Variants in KCNMA1 observed in about 807,000 individuals in gnomAD.
KCNMA1 encodes the protein potassium calcium-activated channel subfamily M alpha 1, also known as Calcium-activated potassium channel subunit alpha-1.
Under a neutral mutation model 140.0 loss-of-function variants are expected in KCNMA1, and 29 were observed. The observed-to-expected ratio is 0.21, with a 90% CI of 0.15 to 0.28. The LOEUF is 0.28. Ranked by LOEUF, KCNMA1 falls within the 10% of genes least tolerant of loss-of-function variation. The pLI is 1.00. For synonymous variants in KCNMA1, 612 were observed against 611.9 expected, an observed-to-expected ratio of 1.00 and a Z score of 0.00; for missense variants, 880 against 1,602.2, an observed-to-expected ratio of 0.55 and a Z score of 7.70.
intron 3 of KCNMA1, among the ~76,000 whole-genome samples, chr10:77,225,444 A>G (rs2051006481): frequency 6.6e-6 from 1 of 152,154 alleles, no homozygotes; most frequent in Admixed American, 6.5e-5. Flanking sequence ...CCCCCTGGCC[A>G]GGAAAAAACA....
intron 14 of KCNMA1, among the ~76,000 whole-genome samples, chr10:77,064,399 G>A (rs1194994457): frequency 1.3e-5 from 2 of 152,202 alleles, no homozygotes; most frequent in Admixed American, 1.3e-4. Flanking sequence ...GGGGAAAGGA[G>A]TTTCAACTTC....
chr10:77,506,626 A>T (rs1416244061), intron 1 of KCNMA1, among the ~76,000 whole-genome samples: 28 of 113,724 alleles, frequency 2.5e-4, no homozygotes, highest in African/African-American at 6.7e-4. Context: ...TGTGTTAGAG[A>T]GGGAGAGAGA....
intron 23 of KCNMA1, among the ~76,000 whole-genome samples, chr10:76,927,061 T>C (rs2152600581): frequency 6.6e-6 from 1 of 152,242 alleles, no homozygotes; most frequent in Non-Finnish European, 1.5e-5. Flanking sequence ...GGAATGACTC[T>C]AAGGCCCTCT....
At chr10:77,474,144 G>A (rs955364336) in intron 1 of KCNMA1, among the ~76,000 whole-genome samples, 1 of 152,180 alleles carries the variant, frequency 6.6e-6, no homozygotes, top group Non-Finnish European at 1.5e-5. Flanking sequence ...GGGTGAAAAC[G>A]CAAAGTCTAC....
In KCNMA1 at chr10:77,118,805, C is replaced by T. The variant is rs139224453; in HGVS notation, c.884+2168G>A. On this transcript the variant is annotated intron_variant, in intron 6 of 27. Transcript: ENST00000286628. The stretch of plus-strand genomic sequence containing the variant: ...CACCGTCAGGTGGCCTGGCCCCCTA[C>T]GCAGCAAGTTCTCTGACAGCAGGAC... 2.1e-3 allele frequency among the ~76,000 whole-genome samples: 321 copies of T among 152,320 alleles called. 2 individuals carry two copies. Among genetic ancestry groups the T allele is most frequent in the African/African-American group, 7.4e-3 (306 of 41,564 alleles).
intron 14 of KCNMA1, among the ~76,000 whole-genome samples, chr10:77,040,766 C>A (rs2094620958): frequency 6.6e-6 from 1 of 151,920 alleles, no homozygotes; most frequent in African/African-American, 2.4e-5. Context: ...TTTTTCTGAC[C>A]CCCCAAGGAA....
rs577204007 is a variant in KCNMA1 at position 77,541,070 on chromosome 10, TA to T, written c.378+96194del. 2.1e-4 allele frequency among the ~76,000 whole-genome samples: 31 copies of T among 150,486 alleles called. No individual in the cohort carries two copies. In the South Asian group the frequency reaches 4.2e-3, roughly 20 times the overall value. On this transcript the variant is annotated intron_variant, in intron 1 of 27. Coordinates refer to ENST00000286628, the MANE Select transcript of KCNMA1 (RefSeq NM_001161352.2). Reference sequence around the variant, plus strand: ...CTACAGCTTATGAACCAACAAAATTTAAAAAAAGAAGAAATATGGAACAATT... The same window carrying T: ...CTACAGCTTATGAACCAACAAAATTTAAAAAAGAAGAAATATGGAACAATT...
At chr10:76,972,873 T>C (rs556635499) in intron 19 of KCNMA1, among the ~76,000 whole-genome samples, 2 of 152,330 alleles carry the variant, frequency 1.3e-5, no homozygotes, top group African/African-American at 4.8e-5. Context: ...AAGTAGGATA[T>C]AAACCATATT....
intron 3 of KCNMA1, among the ~76,000 whole-genome samples, chr10:77,194,303 T>A (rs1361646625): frequency 5.9e-5 from 9 of 152,210 alleles, no homozygotes; most frequent in Non-Finnish European, 2.9e-5. Context: ...CAAATCACTG[T>A]GGGACTTCTT....
chr10:77,463,018 G>A (rs2097908078), intron 1 of KCNMA1, among the ~76,000 whole-genome samples: 1 of 152,154 alleles, frequency 6.6e-6, no homozygotes, highest in Non-Finnish European at 1.5e-5. Context: ...GTCCTCCTGG[G>A]GTGGGGAGAA....
intron 3 of KCNMA1, among the ~76,000 whole-genome samples, chr10:77,247,793 T>C (rs1337477168): frequency 6.6e-6 from 1 of 152,102 alleles, no homozygotes; most frequent in Non-Finnish European, 1.5e-5. Flanking sequence ...CAGAGGCATC[T>C]TCCTCTGCTT....
At chr10:77,620,017 C>A (rs543751723) in intron 1 of KCNMA1, among the ~76,000 whole-genome samples, 1 of 152,158 alleles carries the variant, frequency 6.6e-6, no homozygotes, top group Non-Finnish European at 1.5e-5. Flanking sequence ...CTTTTCCCAG[C>A]AGGGATGTTG....
intron 19 of KCNMA1, among the ~76,000 whole-genome samples, chr10:76,998,404 C>T (rs1408723516): frequency 6.6e-6 from 1 of 152,164 alleles, no homozygotes; most frequent in African/African-American, 2.4e-5. Flanking sequence ...CCAAAGCACA[C>T]TGGCTCAACT....
chr10:77,175,095 C>T (rs2098741189), intron 5 of KCNMA1, among the ~76,000 whole-genome samples: 1 of 152,052 alleles, frequency 6.6e-6, no homozygotes, highest in South Asian at 2.1e-4. Context: ...GGCTCCAACT[C>T]GCGGTTTCTG....
intron 1 of KCNMA1, among the ~76,000 whole-genome samples, chr10:77,516,198 A>C (rs1603631775): frequency 2.8e-5 from 4 of 141,876 alleles, no homozygotes; most frequent in Admixed American, 7.2e-5. Context: ...CCACCCCCCT[A>C]CTCCGCCCCG....
chr10:77,171,400 CGTGTGTGTGTGTGT>C (rs60927086), intron 5 of KCNMA1, among the ~76,000 whole-genome samples: 3,553 of 129,024 alleles, frequency 0.028, 56 homozygotes, highest in Non-Finnish European at 0.038. Flanking sequence ...TGTGTGTGTG[CGTGTGTGTGTGTGT>C]GTGTGTGTGT....
At chr10:76,957,394 G>C (rs2068825678) in intron 20 of KCNMA1, among the ~76,000 whole-genome samples, 1 of 152,110 alleles carries the variant, frequency 6.6e-6, no homozygotes, top group Non-Finnish European at 1.5e-5. Flanking sequence ...GTTGAAGATG[G>C]ATTAAACTGA....
At chr10:77,435,746 G>T (rs887149382) in intron 1 of KCNMA1, among the ~76,000 whole-genome samples, 1 of 152,148 alleles carries the variant, frequency 6.6e-6, no homozygotes, top group Non-Finnish European at 1.5e-5. Flanking sequence ...AAACAACACA[G>T]GTCTGTTGAC....
chr10:77,127,649 G>A (rs1240600230), intron 5 of KCNMA1, among the ~76,000 whole-genome samples: 2 of 34,764 alleles, frequency 5.8e-5, no homozygotes, highest in East Asian at 1.2e-3. Context: ...CAGGAAGGCA[G>A]GAGGGGAAAG....
Sources: gnomAD v4.1 joint callset for allele counts (sites outside exome capture counted in the v4.1 genomes callset) on GRCh38, gnomAD v4.1.1 for gene constraint, MANE v1.5 for transcripts, NCBI Gene and HGNC (gene_info 2026-07-23, HGNC 2026-07-21) for gene names.